CBX7: variants seen among roughly 807,000 people sequenced by gnomAD.
CBX7 encodes chromobox 7.
CBX7 carries 14 observed loss-of-function variants against 31.4 expected under a neutral mutation model. That is an observed-to-expected ratio of 0.45 (90% CI 0.29 to 0.70). The LOEUF is 0.70. CBX7 is among the 30% of genes least tolerant of loss of function. The pLI is 0.11. For missense variants in CBX7, 269 were observed against 351.9 expected, an observed-to-expected ratio of 0.76 and a Z score of 1.89; for synonymous variants, 159 against 152.6, an observed-to-expected ratio of 1.04 and a Z score of -0.31.
intron 3 of CBX7, 80 bp downstream of exon 3, chr22:39,141,291 C>A: frequency 7.6e-7 from 1 of 1,318,016 alleles, no homozygotes; most frequent in Non-Finnish European, 1.1e-6. Context: ...CCCAACAACC[C>A]CTGCCAAGCC....
Position 39,152,461 on chromosome 22 carries a change from GCGGGCC to G in CBX7, c.-23_-18del. On this transcript the variant is annotated 5_prime_UTR_variant, in exon 1 of 6. Coordinates refer to ENST00000216133, the MANE Select transcript of CBX7 (RefSeq NM_175709.5). This position sits in a 1 kb window ranked among gnomAD's most constrained non-coding sequence, Gnocchi z 4.9. The stretch of plus-strand genomic sequence containing the variant: ...CAGCTCCATGCGGGGCGGCGGGCGA[GCGGGCC>G]CGGGGCCGGGCCGGGCCGGGGGCGG... 8.8e-7 allele frequency: 1 copy of G among 1,141,946 alleles called. No individual in the cohort carries two copies. The highest frequency in any genetic ancestry group is 3.4e-5 in the South Asian group (1 of 29,316). 70.7% of individuals were successfully genotyped at this position (1,141,946 alleles called of 1,614,324 possible).
At chr22:39,137,990 G>C (rs1182195943) in intron 4 of CBX7, among the ~76,000 whole-genome samples, 1 of 152,024 alleles carries the variant, frequency 6.6e-6, no homozygotes, top group Non-Finnish European at 1.5e-5. Flanking sequence ...GACCATCCTG[G>C]CCAACACGGT....
intron 2 of CBX7, among the ~76,000 whole-genome samples, chr22:39,146,456 G>C (rs1930664834): frequency 6.6e-6 from 1 of 152,232 alleles, no homozygotes; most frequent in South Asian, 2.1e-4. Context: ...GTGAGGCACA[G>C]AGAGGTTGAG....
intron 1 of CBX7, among the ~76,000 whole-genome samples, chr22:39,150,830 C>CT (rs1234500076): frequency 2.0e-5 from 3 of 152,196 alleles, no homozygotes; most frequent in Non-Finnish European, 4.4e-5. Context: ...CACGCCAGAA[C>CT]TTTAAGACCA....
chr22:39,140,373 C>T (rs768673389), intron 3 of CBX7, among the ~76,000 whole-genome samples: 1 of 152,088 alleles, frequency 6.6e-6, no homozygotes, highest in Non-Finnish European at 1.5e-5. Flanking sequence ...GACCAAGGCC[C>T]CACCACACAC....
rs1930456280 is a variant in CBX7, at chr22:39,141,523, CA to C, written c.114-88del. The C allele has an allele frequency of 3.7e-6, 4 of 1,091,332 alleles. No homozygotes were observed. The Admixed American group carries it at 8.9e-5, about 24-fold the overall frequency. The allele number at this position is 1,091,332 out of a possible 1,614,324, so 67.6% of individuals were successfully genotyped here. ...CAGCACTTTGGGAGGCCGAGGCGGGCAAATCACCTGAGGTCAGGAGTTCAAG... is the reference window on the plus strand; with the variant it reads ...CAGCACTTTGGGAGGCCGAGGCGGGCAATCACCTGAGGTCAGGAGTTCAAG... On this transcript the variant is annotated intron_variant, in intron 2 of 5. Transcript: ENST00000216133.
rs1297927747 is a variant in CBX7 at position 39,134,503 on chromosome 22, G to C, written c.496C>G (p.His166Asp). The change falls in exon 5 of 6, where the codon CAC (histidine) becomes GAC (aspartate). Residue 166 changes from histidine to aspartate, a missense_variant. Physicochemically the swap from His to Asp is moderately conservative, Grantham distance 81 (BLOSUM62 -1). Transcript: ENST00000216133. ...FPPRGPNLES[H>D]SHRRELFLQE... The stretch of plus-strand genomic sequence containing the variant: ...AGGAAGAGCTCCCGTCGATGGCTGT[G>C]GCTCTCCAGGTTGGGCCCGCGGGGC... 6.2e-7 allele frequency: 1 copy of C among 1,611,942 alleles called. No individual in the cohort carries two copies. The highest frequency in any genetic ancestry group is 1.7e-5 in the Admixed American group (1 of 59,976).
At chr22:39,137,422 C>T (rs1326714652) in intron 4 of CBX7, among the ~76,000 whole-genome samples, 1 of 152,068 alleles carries the variant, frequency 6.6e-6, no homozygotes, top group Non-Finnish European at 1.5e-5. Flanking sequence ...GATCTTGGCT[C>T]CCTGCAACCT....
Position 39,134,711 on chromosome 22 carries a change from C to G in CBX7, c.288G>C (p.Lys96Asn). The G allele has an allele frequency of 6.4e-7, 1 of 1,571,862 alleles. No individual in the cohort carries two copies. Among genetic ancestry groups the G allele is most frequent in the African/African-American group, 1.3e-5 (1 of 74,084 alleles). The change falls in exon 5 of 6, where the codon AAG becomes AAC. Residue 96 changes from lysine (K) to asparagine (N), a missense_variant. This residue lies in a region of CBX7 where 222 missense variants were observed against 240.4 expected (regional missense o/e 0.92). Transcript: ENST00000216133. ...SMDLRSSHKA[K>N]GKEKLCFSLT... ...GGGAGAAGCAGAGCTTCTCCTTGCCCTTGGCCTTGTGGGAGCTCCGCAGGT... is the reference window on the plus strand; with the variant it reads ...GGGAGAAGCAGAGCTTCTCCTTGCCGTTGGCCTTGTGGGAGCTCCGCAGGT...
chr22:39,152,285 C>T lies in CBX7; in HGVS notation c.69+91G>A. 1 of 854,794 alleles carries T rather than the reference C, an allele frequency of 1.2e-6. No homozygotes were observed. The highest frequency in any genetic ancestry group is 1.5e-6 in the Non-Finnish European group (1 of 651,534). The allele number at this position is 854,794 out of a possible 1,614,324, so 53.0% of individuals were successfully genotyped here. A position where few individuals can be genotyped will look rare whatever the true frequency, so the allele number is the denominator to read the frequency against. On this transcript the variant is annotated intron_variant, in intron 1 of 5. Coordinates refer to ENST00000216133, the MANE Select transcript of CBX7 (RefSeq NM_175709.5). The surrounding 1 kb of genome is among the most constrained non-coding windows in gnomAD (Gnocchi z 4.9). ...GGGCTGCCGGGGCCCCCGCGCCCCG[C>T]TTTCCCCTTCAGCCCCAGCGTGGAG...
intron 3 of CBX7, among the ~76,000 whole-genome samples, chr22:39,140,194 G>A (rs929576421): frequency 3.3e-5 from 5 of 152,216 alleles, no homozygotes; most frequent in Non-Finnish European, 5.9e-5. Flanking sequence ...TGAACCCCAC[G>A]GCACCTATTG....
At position 39,152,564 on chromosome 22, in the gene CBX7, C is replaced by A; in HGVS notation, c.-120G>T. 1 of 191,496 alleles carries A rather than the reference C, an allele frequency of 5.2e-6. No individual in the cohort carries two copies. The highest frequency in any genetic ancestry group is 9.2e-6 in the Non-Finnish European group (1 of 108,834). The allele number at this position is 191,496 out of a possible 1,614,324, so 11.9% of individuals were successfully genotyped here. A position where few individuals can be genotyped will look rare whatever the true frequency, so the allele number is the denominator to read the frequency against. The stretch of plus-strand genomic sequence containing the variant: ...TCCCCGTCACCCTCGTCCGGGCGCG[C>A]ACGCGCACGCGCACGCGCGCACACC... On this transcript the variant is annotated 5_prime_UTR_variant, in exon 1 of 6. Coordinates refer to ENST00000216133, the MANE Select transcript of CBX7 (RefSeq NM_175709.5). This position sits in a 1 kb window ranked among gnomAD's most constrained non-coding sequence, Gnocchi z 4.9.
intron 4 of CBX7, chr22:39,134,997 T>C: frequency 2.1e-6 from 1 of 482,968 alleles, no homozygotes; most frequent in Non-Finnish European, 3.6e-6. Flanking sequence ...GTCCCAGCGT[T>C]TACTCCTTTG....
At chr22:39,142,193 T>C (rs1257859427) in intron 2 of CBX7, among the ~76,000 whole-genome samples, 3 of 152,194 alleles carry the variant, frequency 2.0e-5, no homozygotes, top group Non-Finnish European at 4.4e-5. Context: ...AGGACTCTTG[T>C]GCTGATGAGA....
At chr22:39,136,896 G>A (rs1233219970) in intron 4 of CBX7, 1 of 152,196 alleles carries the variant, frequency 6.6e-6, no homozygotes, top group Non-Finnish European at 1.5e-5. Context: ...AAACCCAATG[G>A]AACATGCCCA....
chr22:39,138,143 A>G (rs939460821), intron 4 of CBX7, among the ~76,000 whole-genome samples: 2 of 149,540 alleles, frequency 1.3e-5, no homozygotes, highest in Non-Finnish European at 3.0e-5. Flanking sequence ...ATCGCGCGCC[A>G]CTGCACTCCA....
rs1478558102 is a variant in CBX7 at position 39,132,731 on chromosome 22, G to T, written c.*1160C>A. ...AGGAGTCAAGGGCTGCCCTGAGAAC[G>T]TGGTGGGACACTCCCTCCCTCCCTG... On this transcript the variant is annotated 3_prime_UTR_variant, in exon 6 of 6. Transcript: ENST00000216133. 3 of 152,702 alleles carry T rather than the reference G, an allele frequency of 2.0e-5. No homozygotes were observed. The highest frequency in any genetic ancestry group is 1.9e-4 in the East Asian group (1 of 5,182). The allele number at this position is 152,702 out of a possible 1,614,324, so 9.5% of individuals were successfully genotyped here.
intron 3 of CBX7, among the ~76,000 whole-genome samples, chr22:39,139,000 C>T (rs1337640775): frequency 6.6e-6 from 1 of 152,222 alleles, no homozygotes; most frequent in East Asian, 1.9e-4. Context: ...GCGGGCTCTG[C>T]TCTACGTGCT....
At chr22:39,137,177 G>C (rs1281223861) in intron 4 of CBX7, among the ~76,000 whole-genome samples, 1 of 152,048 alleles carries the variant, frequency 6.6e-6, no homozygotes. Flanking sequence ...TTCAGACTTC[G>C]AATTTTTTTA....
Sources: allele counts gnomAD v4.1 joint callset (sites outside exome capture counted in the v4.1 genomes callset), GRCh38; gene constraint gnomAD v4.1.1; regional missense constraint gnomAD v4.1.1; non-coding constraint Gnocchi (gnomAD v3.1); transcripts MANE v1.5; gene names NCBI Gene and HGNC (gene_info 2026-07-23, HGNC 2026-07-21).